SQOR: variants seen among roughly 807,000 people sequenced by gnomAD.
SQOR encodes the protein sulfide:quinone oxidoreductase, mitochondrial.
A neutral mutation model predicts 48.6 loss-of-function variants in SQOR; 39 were observed. The ratio of observed to expected loss-of-function variants is 0.80; its 90% CI spans 0.62 to 1.05. The LOEUF (loss-of-function observed/expected upper bound fraction) is 1.05, where lower values mean the gene tolerates loss of function less well. Ranked by LOEUF, SQOR falls within the 50% of genes least tolerant of loss-of-function variation. The pLI is 0.00. For synonymous variants in SQOR, 220 were observed against 206.2 expected (o/e 1.07, Z -0.57); for missense variants, 561 against 559.9 (o/e 1.00, Z -0.02).
intron 5 of SQOR, among the ~76,000 whole-genome samples, chr15:45,674,599 A>G (rs986896452): frequency 6.6e-6 from 1 of 152,232 alleles, no homozygotes; most frequent in Admixed American, 6.5e-5. Flanking sequence ...TCCCTTGGGT[A>G]TACATTAAAA....
chr15:45,660,099 C>A (rs1889692798), intron 2 of SQOR, among the ~76,000 whole-genome samples: 2 of 152,164 alleles, frequency 1.3e-5, no homozygotes, highest in Admixed American at 6.5e-5. Flanking sequence ...TTAAGATTGT[C>A]CAAAAGCTTC....
intron 5 of SQOR, among the ~76,000 whole-genome samples, 191 bp from the exon 6 acceptor site, chr15:45,675,910 A>C (rs1890027483): frequency 6.6e-6 from 1 of 152,022 alleles, no homozygotes; most frequent in African/African-American, 2.4e-5. Flanking sequence ...TCAAGTGTGT[A>C]CTTAGTTGTA....
chr15:45,635,830 A>ACTCT (rs78663500), intron 1 of SQOR, among the ~76,000 whole-genome samples: 19,400 of 151,882 alleles, frequency 0.13, 1,430 homozygotes, highest in Admixed American at 0.21. Flanking sequence ...AAGGCTAAAG[A>ACTCT]CTCTCAGAAC....
At chr15:45,675,012 T>C (rs1342606840) in intron 5 of SQOR, among the ~76,000 whole-genome samples, 2 of 151,824 alleles carry the variant, frequency 1.3e-5, no homozygotes, top group Admixed American at 1.3e-4. Flanking sequence ...CCCTGTGAGG[T>C]AGGGAATTAA....
chr15:45,673,842 A>G, intron 5 of SQOR, 41 bp downstream of exon 5: 4 of 1,597,110 alleles, frequency 2.5e-6, no homozygotes, highest in Non-Finnish European at 3.4e-6. Flanking sequence ...CAGGGCGGAC[A>G]GTGCTAATTC....
At chr15:45,646,290 A>AATTGCTAGT (rs1452552520) in intron 1 of SQOR, among the ~76,000 whole-genome samples, 2 of 152,198 alleles carry the variant, frequency 1.3e-5, no homozygotes, top group African/African-American at 4.8e-5. Flanking sequence ...TCCTTCTCTG[A>AATTGCTAGT]ATTGCTAGCT....
chr15:45,658,178 T>G (rs546672890), intron 1 of SQOR, among the ~76,000 whole-genome samples: 33 of 152,238 alleles, frequency 2.2e-4, no homozygotes, highest in Non-Finnish European at 4.6e-4. Context: ...TACAGATTCC[T>G]TCCATAAAAT....
At chr15:45,643,765 T>C (rs1433146083) in intron 1 of SQOR, among the ~76,000 whole-genome samples, 1 of 152,176 alleles carries the variant, frequency 6.6e-6, no homozygotes, top group East Asian at 1.9e-4. Flanking sequence ...TGCAGAAAAC[T>C]TGTTTCTCAC....
chr15:45,661,576 T>C (rs1324856181), intron 2 of SQOR, among the ~76,000 whole-genome samples: 2 of 152,104 alleles, frequency 1.3e-5, no homozygotes, highest in African/African-American at 4.8e-5. Flanking sequence ...AGGAACCATA[T>C]CTAGGCTGCT....
chr15:45,688,111 C>G (rs978707184), intron 7 of SQOR, among the ~76,000 whole-genome samples: 2 of 152,068 alleles, frequency 1.3e-5, no homozygotes, highest in Admixed American at 1.3e-4. Context: ...TGGAGGGAGT[C>G]GGCTCTTTAG....
chr15:45,687,451 T>G (rs1890244033), intron 7 of SQOR, among the ~76,000 whole-genome samples: 1 of 152,186 alleles, frequency 6.6e-6, no homozygotes, highest in South Asian at 2.1e-4. Context: ...CAAACTGGGT[T>G]TAGATTATAT....
At position 45,669,042 on chromosome 15, in the gene SQOR, C is replaced by T. The variant is rs534077973; in HGVS notation, c.406-886C>T. Among the ~76,000 whole-genome samples the T allele has an allele frequency of 9.2e-5, 14 of 151,906 alleles. No homozygotes were observed. The East Asian group carries it at 1.7e-3, about 19-fold the overall frequency. The stretch of plus-strand genomic sequence containing the variant: ...GCTCAAAAGAGCAATCTCCCAATTA[C>T]GATATTGGTCCAATCCACATGACAG... On this transcript the variant is annotated intron_variant, in intron 3 of 9. Transcript: ENST00000260324.
chr15:45,690,522 T>A (rs1160759588), intron 9 of SQOR, among the ~76,000 whole-genome samples: 10 of 152,246 alleles, frequency 6.6e-5, no homozygotes, highest in Non-Finnish European at 1.5e-5. Context: ...AGACACTTTT[T>A]GGTTGTTACA....
intron 1 of SQOR, among the ~76,000 whole-genome samples, chr15:45,641,864 CCTT>C (rs1403664664): frequency 1.3e-5 from 2 of 152,152 alleles, no homozygotes; most frequent in Non-Finnish European, 2.9e-5. Context: ...TCACATTCTT[CCTT>C]CTTCTTTATC....
intron 9 of SQOR, 200 bp downstream of exon 9, chr15:45,689,417 C>CTTTT: frequency 9.0e-5 from 23 of 254,814 alleles, no homozygotes; most frequent in South Asian, 3.0e-4. Context: ...TGCTACCTTA[C>CTTTT]TTTTTTTTTT....
chr15:45,669,968 T>TCTC lies in SQOR; in HGVS notation c.446_447insCTC (p.Leu149_Asp150insSer). The TCTC allele has an allele frequency of 6.2e-7, 1 of 1,614,120 alleles. No homozygotes were observed. The highest frequency in any genetic ancestry group is 8.5e-7 in the Non-Finnish European group (1 of 1,179,992). On this transcript the variant is annotated inframe_insertion, in exon 4 of 10. Coordinates refer to ENST00000260324, the MANE Select transcript of SQOR (RefSeq NM_021199.4). ...CTTATTATTGCTCTCGGAATCCAGC[T>TCTC]GGACTATGAGAAGGTACCGTGTGAA...
intron 1 of SQOR, among the ~76,000 whole-genome samples, chr15:45,650,001 G>C (rs114658748): frequency 7.3e-5 from 11 of 151,444 alleles, no homozygotes; most frequent in African/African-American, 2.4e-4. Context: ...TGCCACCACA[G>C]CCCGCTAATT....
chr15:45,659,215 T>TGTGA (rs1889676665), intron 2 of SQOR, 58 bp downstream of exon 2: 5 of 1,186,772 alleles, frequency 4.2e-6, no homozygotes, highest in South Asian at 1.9e-5. Flanking sequence ...TGTGTGAGTG[T>TGTGA]GTGTGTGTGT....
At chr15:45,676,766 C>T (rs1010390829) in intron 6 of SQOR, among the ~76,000 whole-genome samples, 1 of 152,132 alleles carries the variant, frequency 6.6e-6, no homozygotes, top group Non-Finnish European at 1.5e-5. Flanking sequence ...ATTGGCTGGG[C>T]ATGGTGGCTC....
Sources: allele counts gnomAD v4.1 joint callset (sites outside exome capture counted in the v4.1 genomes callset), GRCh38; gene constraint gnomAD v4.1.1; transcripts MANE v1.5; gene names NCBI Gene and HGNC (gene_info 2026-07-23, HGNC 2026-07-21).